The following TTC34 variants were observed in gnomAD, a reference collection of about 807,000 sequenced individuals.
TTC34 encodes the protein tetratricopeptide repeat domain 34.
Under a neutral mutation model 40.7 loss-of-function variants are expected in TTC34, and 44 were observed. That is an observed-to-expected ratio of 1.08 (90% CI 0.85 to 1.39). The LOEUF (loss-of-function observed/expected upper bound fraction) is 1.39, where lower values mean the gene tolerates loss of function less well. TTC34 is among the 40% of genes most tolerant of loss of function. TTC34 has a pLI of 0.00. For synonymous variants in TTC34, 422 were observed against 398.6 expected (o/e 1.06, Z -0.70); for missense variants, 884 against 838.0 (o/e 1.05, Z -0.68).
chr1:2,782,786 T>C (rs1223995224), intron 6 of TTC34, among the ~76,000 whole-genome samples: 1 of 152,186 alleles, frequency 6.6e-6, no homozygotes, highest in African/African-American at 2.4e-5. Context: ...AGGAGGAAAC[T>C]GAGGCCTGGG....
At chr1:2,756,645 C>G (rs1641515285) in intron 6 of TTC34, among the ~76,000 whole-genome samples, 1 of 150,604 alleles carries the variant, frequency 6.6e-6, no homozygotes, top group African/African-American at 2.4e-5. Context: ...GAGCATCTGA[C>G]AGCCTGGAAC....
At chr1:2,639,832 CCT>C (rs769644930) in exon 9 of TTC34, 3 of 152,516 alleles carry the variant, frequency 2.0e-5, no homozygotes, top group African/African-American at 2.4e-5. Flanking sequence ...TACCCAGACC[CCT>C]GTGGCCAGAG....
intron 6 of TTC34, among the ~76,000 whole-genome samples, chr1:2,673,032 T>C (rs1359631642): frequency 1.2e-3 from 6 of 4,842 alleles, no homozygotes; most frequent in Admixed American, 2.5e-3. Flanking sequence ...ACAGCACCCA[T>C]ACGCCCAGAT....
At chr1:2,653,744 C>T (rs1433758926) in intron 6 of TTC34, among the ~76,000 whole-genome samples, 1 of 151,036 alleles carries the variant, frequency 6.6e-6, no homozygotes. Context: ...AAGTGAGCAT[C>T]GGAGAGTCTG....
At chr1:2,688,254 G>C (rs1157096013) in intron 6 of TTC34, among the ~76,000 whole-genome samples, 1 of 147,296 alleles carries the variant, frequency 6.8e-6, no homozygotes, top group Non-Finnish European at 1.5e-5. Context: ...CACACCCCCA[G>C]GGGAGCATGT....
intron 6 of TTC34, among the ~76,000 whole-genome samples, chr1:2,671,747 AT>A (rs1639707953): frequency 6.8e-6 from 1 of 148,084 alleles, no homozygotes; most frequent in African/African-American, 2.5e-5. Flanking sequence ...AGCAGCACCC[AT>A]AGCCCAAGGT....
intron 6 of TTC34, among the ~76,000 whole-genome samples, chr1:2,685,151 A>T (rs1351878621): frequency 7.2e-6 from 1 of 138,914 alleles, no homozygotes; most frequent in Non-Finnish European, 1.5e-5. Flanking sequence ...CTGGAACAGC[A>T]CCCACAACCC....
chr1:2,686,495 GTGACAGCCTC>G (rs201241593), intron 6 of TTC34, among the ~76,000 whole-genome samples: 1 of 37,800 alleles, frequency 2.6e-5, no homozygotes, highest in Non-Finnish European at 4.6e-5. Context: ...AGCTGAGCCT[GTGACAGCCTC>G]GAACAGCACC....
intron 6 of TTC34, among the ~76,000 whole-genome samples, chr1:2,764,283 C>G (rs1234820139): frequency 2.7e-5 from 4 of 147,950 alleles, no homozygotes; most frequent in South Asian, 4.3e-4. Flanking sequence ...CATCTGACAG[C>G]CTGGAGCAGC....
At chr1:2,777,602 C>A (rs933856219) in intron 6 of TTC34, among the ~76,000 whole-genome samples, 1 of 150,862 alleles carries the variant, frequency 6.6e-6, no homozygotes, top group Non-Finnish European at 1.5e-5. Context: ...GGAGGAGGGG[C>A]CTGCTGCTGA....
At chr1:2,688,123 C>CT (rs1640451438) in intron 6 of TTC34, among the ~76,000 whole-genome samples, 1 of 148,452 alleles carries the variant, frequency 6.7e-6, no homozygotes, top group African/African-American at 2.5e-5. Context: ...GAACAGCACC[C>CT]ACACCCCCAG....
At chr1:2,685,679 C>T (rs1570811761) in intron 6 of TTC34, among the ~76,000 whole-genome samples, 1 of 112,732 alleles carries the variant, frequency 8.9e-6, no homozygotes, top group African/African-American at 3.2e-5. Context: ...GAACCCACAC[C>T]CCCAGGCGAG....
Position 2,775,870 on chromosome 1 carries a change from G to T in TTC34, c.2226+7739C>A, listed in dbSNP as rs71630992. Among the ~76,000 whole-genome samples, 555 of 141,542 alleles carry T rather than the reference G, an allele frequency of 3.9e-3. 15 individuals are homozygous for T. The highest frequency in any genetic ancestry group is 4.6e-3 in the Non-Finnish European group (307 of 66,544). The allele number at this position is 141,542 out of a possible 152,430, so 92.9% of individuals were successfully genotyped here. ...TGCTCACCTGAGGTTGGGAGTGCCA[G>T]TCCAGGCTGCCAGATCCTCACCTGG... On this transcript the variant is annotated intron_variant, in intron 6 of 8. Transcript: ENST00000401095.
chr1:2,686,125 A>AG (rs1640332662), intron 6 of TTC34, among the ~76,000 whole-genome samples: 1 of 131,128 alleles, frequency 7.6e-6, no homozygotes, highest in Non-Finnish European at 1.6e-5. Context: ...CCACACCCGC[A>AG]GGTGAGCATC....
At chr1:2,789,728 C>G (rs911461538) in exon 3 of TTC34, 29 of 917,836 alleles carry the variant, frequency 3.2e-5, no homozygotes, top group Non-Finnish European at 4.3e-5. Context: ...CAGGAACGCG[C>G]TGCCCGCCAG....
At chr1:2,644,700 C>T (rs1161447348) in intron 7 of TTC34, among the ~76,000 whole-genome samples, 3 of 152,168 alleles carry the variant, frequency 2.0e-5, no homozygotes, top group South Asian at 2.1e-4. Flanking sequence ...GCTACCACAC[C>T]GTGGGCACTA....
chr1:2,683,211 G>C (rs1282145319), intron 6 of TTC34, among the ~76,000 whole-genome samples: 3 of 144,744 alleles, frequency 2.1e-5, no homozygotes, highest in Non-Finnish European at 4.5e-5. Flanking sequence ...GCATCTGAGA[G>C]CCTGGGTCGG....
rs1412692251 is a variant in TTC34, at chr1:2,684,653, G to C, written c.2227-39090C>G. On this transcript the variant is annotated intron_variant, in intron 6 of 8. Transcript: ENST00000401095. ...CATCCTCACCTCCAGGTGAGCATCCGACAGCCTGGAGCAGCACCCACACGC... is the reference window on the plus strand; with the variant it reads ...CATCCTCACCTCCAGGTGAGCATCCCACAGCCTGGAGCAGCACCCACACGC... Among the ~76,000 whole-genome samples the C allele has an allele frequency of 7.4e-4, 95 of 128,408 alleles. 1 individual carries two copies. Among genetic ancestry groups the C allele is most frequent in the Non-Finnish European group, 1.4e-3 (91 of 63,096 alleles). 84.2% of individuals were successfully genotyped at this position (128,408 alleles called of 152,430 possible). A position where few individuals can be genotyped will look rare whatever the true frequency, so the allele number is the denominator to read the frequency against.
intron 6 of TTC34, among the ~76,000 whole-genome samples, chr1:2,750,245 C>G (rs1430554303): frequency 3.6e-5 from 5 of 140,540 alleles, no homozygotes; most frequent in East Asian, 4.4e-4. Flanking sequence ...CACCCACACC[C>G]ACAGGTGGGC....
Sources: gnomAD v4.1 joint callset for allele counts (sites outside exome capture counted in the v4.1 genomes callset) on GRCh38, gnomAD v4.1.1 for gene constraint, MANE v1.5 for transcripts, NCBI Gene and HGNC (gene_info 2026-07-23, HGNC 2026-07-21) for gene names.